CYSLTR2: variants seen among roughly 807,000 people sequenced by gnomAD.
CYSLTR2 encodes G-protein coupled receptor GPCR21.
For missense variants in CYSLTR2, 398 were observed against 411.9 expected (o/e 0.97, Z 0.29); for synonymous variants, 179 against 160.8 (o/e 1.11, Z -0.86).
At chr13:48,678,546 A>G (rs1198559245) in intron 1 of CYSLTR2, among the ~76,000 whole-genome samples, 3 of 151,968 alleles carry the variant, frequency 2.0e-5, no homozygotes, top group Non-Finnish European at 4.4e-5. Context: ...CTCTGGCTTC[A>G]GTTACTATCA....
At chr13:48,682,040 CT>C (rs1953770030) in intron 1 of CYSLTR2, among the ~76,000 whole-genome samples, 1 of 152,026 alleles carries the variant, frequency 6.6e-6, no homozygotes, top group African/African-American at 2.4e-5. Context: ...GTAATGAAAC[CT>C]TTATGTAAAA....
Position 48,707,735 on chromosome 13 carries a change from C to A in CYSLTR2, c.918C>A (p.Tyr306Ter), listed in dbSNP as rs200853229. 6 of 1,609,456 alleles carry A rather than the reference C, an allele frequency of 3.7e-6. No homozygotes were observed. The Admixed American group carries it at 5.0e-5, about 13-fold the overall frequency. Residue 306 changes from tyrosine to a stop codon, truncating the protein, a stop_gained, in exon 5 of 5, where the codon TAC (tyrosine) becomes TAA (stop). Transcript: ENST00000682523. LOFTEE classifies it low-confidence loss of function (END_TRUNC). ...CCTGCTTCAATCCTCTGCTCTATTACTTTGCTGGGGAGAATTTTAAGGACA... is the reference window on the plus strand; with the variant it reads ...CCTGCTTCAATCCTCTGCTCTATTAATTTGCTGGGGAGAATTTTAAGGACA... Reference protein sequence around the residue: ...ANACFNPLLYYFAGENFKDRL... With the variant: ...ANACFNPLLY
intron 1 of CYSLTR2, among the ~76,000 whole-genome samples, chr13:48,655,347 T>C (rs1952974661): frequency 6.6e-6 from 1 of 152,178 alleles, no homozygotes; most frequent in Non-Finnish European, 1.5e-5. Context: ...ATCGATGGGA[T>C]TGGATTTGGA....
rs569595468 is a variant in CYSLTR2, at chr13:48,655,708, T to C, written c.-266+1691T>C. ...TACAAAACATGTTTACAGGCATCAG[T>C]TCATTTGATCCACATACTAGCCTTA... On this transcript the variant is annotated intron_variant, in intron 1 of 4. Transcript: ENST00000682523. Among the ~76,000 whole-genome samples, 4 of 152,334 alleles carry C rather than the reference T, an allele frequency of 2.6e-5. No individual in the cohort carries two copies. In the South Asian group the frequency reaches 8.3e-4, roughly 32 times the overall value.
At chr13:48,690,180 C>T (rs576157898) in intron 1 of CYSLTR2, among the ~76,000 whole-genome samples, 1 of 151,980 alleles carries the variant, frequency 6.6e-6, no homozygotes, top group African/African-American at 2.4e-5. Context: ...TGTAAATATA[C>T]AGTCATGTCA....
chr13:48,672,099 G>T (rs1953447455), intron 1 of CYSLTR2, among the ~76,000 whole-genome samples: 1 of 152,074 alleles, frequency 6.6e-6, no homozygotes. Flanking sequence ...TCTGACGGTA[G>T]TTTGTATTTC....
chr13:48,675,812 G>T (rs1239017072), intron 1 of CYSLTR2, among the ~76,000 whole-genome samples: 3 of 152,146 alleles, frequency 2.0e-5, no homozygotes, highest in Non-Finnish European at 4.4e-5. Flanking sequence ...TCCGCAGGTT[G>T]CAAAAACCAT....
intron 1 of CYSLTR2, among the ~76,000 whole-genome samples, chr13:48,676,635 C>T (rs971909412): frequency 6.6e-6 from 1 of 152,168 alleles, no homozygotes; most frequent in African/African-American, 2.4e-5. Flanking sequence ...TGGTTACCAA[C>T]TGAGTGAGAT....
rs567868271 is a variant in CYSLTR2 at position 48,702,233 on chromosome 13, G to T, written c.-1-4584G>T. The stretch of plus-strand genomic sequence containing the variant: ...AATGAGAACACTTGGACACAGGGTG[G>T]GGAACATCACACACCGGCGTCTGTC... On this transcript the variant is annotated intron_variant, in intron 4 of 4. Transcript: ENST00000682523. 7.8e-5 allele frequency among the ~76,000 whole-genome samples: 11 copies of T among 140,818 alleles called. No homozygotes were observed. The South Asian group carries it at 2.7e-3, about 34-fold the overall frequency. The allele number at this position is 140,818 out of a possible 152,430, so 92.4% of individuals were successfully genotyped here.
chr13:48,707,769 T>A lies in CYSLTR2; in HGVS notation c.952T>A (p.Ser318Thr). The A allele has an allele frequency of 6.3e-7, 1 of 1,589,522 alleles. No homozygotes were observed. The highest frequency in any genetic ancestry group is 8.6e-7 in the Non-Finnish European group (1 of 1,167,440). Residue 318 changes from serine to threonine, a missense_variant, in exon 5 of 5, where the codon TCT (serine) becomes ACT (threonine). Ser to Thr is a moderately conservative substitution (Grantham distance 58). Coordinates refer to ENST00000682523, the MANE Select transcript of CYSLTR2 (RefSeq NM_001308476.3). ...AGENFKDRLK[S>T]ALRKGHPQKA... ...GGAGAATTTTAAGGACAGACTAAAG[T>A]CTGCACTCAGAAAAGGCCATCCACA...
At chr13:48,700,769 G>A (rs1444851417) in intron 4 of CYSLTR2, among the ~76,000 whole-genome samples, 1 of 152,146 alleles carries the variant, frequency 6.6e-6, no homozygotes, top group Admixed American at 6.5e-5. Context: ...CATCGTCTCA[G>A]CCCAAAATCT....
intron 1 of CYSLTR2, among the ~76,000 whole-genome samples, chr13:48,672,717 A>T (rs183871336): frequency 2.4e-3 from 359 of 148,160 alleles, no homozygotes; most frequent in African/African-American, 8.5e-3. Context: ...TCCTGGGTTC[A>T]TGTCATTCTC....
At chr13:48,706,271 C>T (rs556128193) in intron 4 of CYSLTR2, among the ~76,000 whole-genome samples, 18 of 152,300 alleles carry the variant, frequency 1.2e-4, no homozygotes, top group East Asian at 7.7e-4. Flanking sequence ...GCTGGGATTA[C>T]GGGCGTGAGC....
Position 48,706,943 on chromosome 13 carries a change from A to G in CYSLTR2, c.126A>G (p.Pro42=), listed in dbSNP as rs566019629. Reference sequence around the variant, plus strand: ...AAAACTTCAAGAGAGAATTTTTCCCAATTGTATATCTGATAATATTTTTCT... The same window carrying G: ...AAAACTTCAAGAGAGAATTTTTCCCGATTGTATATCTGATAATATTTTTCT... ...TIENFKREFF[P]IVYLIIFFWG... Residue 42 remains proline, a synonymous_variant, in exon 5 of 5, where the codon CCA becomes CCG. Transcript: ENST00000682523. The G allele has an allele frequency of 5.3e-5, 85 of 1,614,194 alleles. No individual in the cohort carries two copies. The South Asian group carries it at 9.0e-4, about 17-fold the overall frequency.
chr13:48,662,363 G>T (rs1377140561), intron 1 of CYSLTR2, among the ~76,000 whole-genome samples: 1 of 152,140 alleles, frequency 6.6e-6, no homozygotes, highest in Non-Finnish European at 1.5e-5. Context: ...AAGCTTTTGG[G>T]CAAGTACCCA....
chr13:48,688,665 C>T (rs1953959106), intron 1 of CYSLTR2, among the ~76,000 whole-genome samples: 1 of 152,128 alleles, frequency 6.6e-6, no homozygotes, highest in Admixed American at 6.5e-5. Flanking sequence ...CATTGATGGA[C>T]ATTTGGGTTG....
rs1338412068 is a variant in CYSLTR2, at chr13:48,706,950, T to C, written c.133T>C (p.Tyr45His). The C allele has an allele frequency of 6.2e-7, 1 of 1,614,106 alleles. No individual in the cohort carries two copies. Among genetic ancestry groups the C allele is most frequent in the Non-Finnish European group, 8.5e-7 (1 of 1,180,034 alleles). Residue 45 changes from tyrosine to histidine, a missense_variant, in exon 5 of 5, where the codon TAT becomes CAT. Tyr to His is a moderately conservative substitution (Grantham distance 83, BLOSUM62 2). Coordinates refer to ENST00000682523, the MANE Select transcript of CYSLTR2 (RefSeq NM_001308476.3). Reference sequence around the variant, plus strand: ...CAAGAGAGAATTTTTCCCAATTGTATATCTGATAATATTTTTCTGGGGAGT... The same window carrying C: ...CAAGAGAGAATTTTTCCCAATTGTACATCTGATAATATTTTTCTGGGGAGT... ...NFKREFFPIV[Y>H]LIIFFWGVLG...
intron 3 of CYSLTR2, among the ~76,000 whole-genome samples, chr13:48,695,091 T>TTTTTTC (rs1227346463): frequency 7.7e-6 from 1 of 129,348 alleles, no homozygotes; most frequent in Non-Finnish European, 1.6e-5. Context: ...TTTTTTTTTT[T>TTTTTTC]TTTGTCAGAG....
chr13:48,686,906 T>G (rs1432835296), intron 1 of CYSLTR2, among the ~76,000 whole-genome samples: 1 of 152,246 alleles, frequency 6.6e-6, no homozygotes, highest in East Asian at 1.9e-4. Flanking sequence ...TTGTAAAGCA[T>G]GACTTCTGCG....
Sources: gnomAD v4.1 joint callset for allele counts (sites outside exome capture counted in the v4.1 genomes callset) on GRCh38, gnomAD v4.1.1 for gene constraint, MANE v1.5 for transcripts, NCBI Gene and HGNC (gene_info 2026-07-23, HGNC 2026-07-21) for gene names.